NOD2: variants seen among roughly 807,000 people sequenced by gnomAD.
NOD2 encodes nucleotide-binding oligomerization domain-containing protein 2.
In NOD2, 86 loss-of-function variants were observed where a neutral mutation model predicts 90.9. The ratio of observed to expected loss-of-function variants is 0.95; its 90% confidence interval spans 0.79 to 1.13. NOD2 has a LOEUF of 1.13. Ranked by LOEUF, NOD2 falls within the 50% of genes most tolerant of loss-of-function variation. The pLI is 0.00. For missense variants in NOD2, 1,238 were observed against 1,283.8 expected, an observed-to-expected ratio of 0.96 and a Z score of 0.55; for synonymous variants, 581 against 554.6, an observed-to-expected ratio of 1.05 and a Z score of -0.67.
Position 50,697,266 on chromosome 16 carries a change from C to A in NOD2, c.-8-2222C>A. 1 of 1,559,574 alleles carries A rather than the reference C, an allele frequency of 6.4e-7. No homozygotes were observed. On this transcript the variant is annotated intron_variant, in intron 1 of 11. Coordinates refer to ENST00000647318, the MANE Select transcript of NOD2 (RefSeq NM_001370466.1). ...TTGATGGGGGAAGAGGGTGGTTCAG[C>A]CTCTCACGATGAGGAGGAAAGAGCA...
rs1965151537 is a variant in NOD2 at position 50,723,329 on chromosome 16, G to C, written c.2746G>C (p.Gly916Arg). Residue 916 changes from glycine to arginine, a missense_variant, in exon 9 of 12, where the codon GGT becomes CGT. Around this residue, in one of 3 missense-constraint regions of NOD2, gnomAD observed 667 missense variants for 688.7 expected, o/e 0.97. Transcript: ENST00000647318. The part of the protein sequence containing the change: ...SLVGNNIGSV[G>R]AQALALMLAK... ...GGTGGGGAACAACATTGGCAGTGTG[G>C]GTGCCCAAGCCTTGGCACTGATGCT... 6.2e-7 allele frequency: 1 copy of C among 1,613,746 alleles called. No homozygotes were observed. Among genetic ancestry groups the C allele is most frequent in the African/African-American group, 1.3e-5 (1 of 74,850 alleles).
chr16:50,698,596 C>T (rs113924970), intron 1 of NOD2, among the ~76,000 whole-genome samples: 3,181 of 152,290 alleles, frequency 0.021, 86 homozygotes, highest in South Asian at 0.12. Flanking sequence ...GACATGCATT[C>T]CGGAGTCATA....
intron 10 of NOD2, chr16:50,727,790 A>C: frequency 2.9e-6 from 1 of 345,616 alleles, no homozygotes; most frequent in South Asian, 2.4e-5. Flanking sequence ...TTTTCAGTGC[A>C]TCTCATTGAC....
At chr16:50,717,630 C>A (rs1171956656) in intron 6 of NOD2, among the ~76,000 whole-genome samples, 1 of 152,176 alleles carries the variant, frequency 6.6e-6, no homozygotes, top group African/African-American at 2.4e-5. Flanking sequence ...ACCTCTTGGG[C>A]TGGGTTTGTG....
chr16:50,697,195 A>G, intron 1 of NOD2: 2 of 1,495,094 alleles, frequency 1.3e-6, no homozygotes, highest in Non-Finnish European at 1.8e-6. Flanking sequence ...GTTCTGCACA[A>G]GGCCTACCCG....
At chr16:50,696,535 G>A (rs4785224) in intron 1 of NOD2, 55,838 of 152,362 alleles carry the variant, frequency 0.37, 10,668 homozygotes, top group Non-Finnish European at 0.4. Context: ...AACAGATAAT[G>A]AGTGAATATT....
chr16:50,723,256 GTCTTTCCC>G, intron 8 of NOD2, 37 bp from the exon 9 acceptor site: 1 of 1,574,856 alleles, frequency 6.3e-7, no homozygotes, highest in Non-Finnish European at 8.7e-7. Context: ...CATCTCTGAG[GTCTTTCCC>G]TGCTCTGACA....
intron 3 of NOD2, chr16:50,710,014 C>T (rs1359489711): frequency 2.2e-6 from 1 of 455,920 alleles, no homozygotes; most frequent in Non-Finnish European, 4.4e-6. Context: ...TTTTCAAACT[C>T]AGGTGTGTCT....
chr16:50,703,828 A>T (rs1292946336), intron 2 of NOD2, among the ~76,000 whole-genome samples: 3 of 152,190 alleles, frequency 2.0e-5, no homozygotes, highest in African/African-American at 7.2e-5. Flanking sequence ...CTGGGAAGTC[A>T]GTCGGCAATG....
At position 50,699,545 on chromosome 16, in the gene NOD2, T is replaced by C. The variant is rs757914381; in HGVS notation, c.50T>C (p.Leu17Pro). ...FQAQRSQLVE[L>P]LVSGSLEGFE... ...GCACAGAGGAGCCAGCTGGTCGAGC[T>C]GCTGGTCTCAGGGTCCCTGGAAGGC... Residue 17 changes from leucine to proline, a missense_variant, in exon 2 of 12, where the codon CTG (leucine) becomes CCG (proline). Leu to Pro is a moderately conservative substitution (Grantham distance 98, BLOSUM62 -3). Coordinates refer to ENST00000647318, the MANE Select transcript of NOD2 (RefSeq NM_001370466.1). The C allele has an allele frequency of 6.2e-7, 1 of 1,614,030 alleles. No individual in the cohort carries two copies. Among genetic ancestry groups the C allele is most frequent in the South Asian group, 1.1e-5 (1 of 91,074 alleles).
At chr16:50,727,770 G>T in intron 10 of NOD2, 1 of 340,754 alleles carries the variant, frequency 2.9e-6, no homozygotes, top group Non-Finnish European at 5.8e-6. Flanking sequence ...GCCGGCTGCA[G>T]GTGTTGCAGT....
chr16:50,716,454 C>T (rs1717818649), intron 4 of NOD2, 133 bp from the exon 5 acceptor site: 1 of 871,016 alleles, frequency 1.1e-6, no homozygotes. Flanking sequence ...TGGGGTGCTC[C>T]ATCTATGCAG....
At chr16:50,708,623 T>C (rs1419818022) in intron 3 of NOD2, among the ~76,000 whole-genome samples, 2 of 152,216 alleles carry the variant, frequency 1.3e-5, no homozygotes, top group Non-Finnish European at 2.9e-5. Context: ...CTTTCTCTTT[T>C]CTTGGGAGAA....
chr16:50,719,084 A>T (rs1964926832), intron 6 of NOD2, among the ~76,000 whole-genome samples: 1 of 152,118 alleles, frequency 6.6e-6, no homozygotes, highest in East Asian at 1.9e-4. Context: ...GGGGAGCCTG[A>T]TGTCTCAGGC....
chr16:50,711,336 G>C lies in NOD2; in HGVS notation c.1344G>C (p.Glu448Asp), dbSNP rs1964484718. 2 of 1,613,674 alleles carry C rather than the reference G, an allele frequency of 1.2e-6. No homozygotes were observed. Among genetic ancestry groups the C allele is most frequent in the Non-Finnish European group, 8.5e-7 (1 of 1,180,036 alleles). Residue 448 changes from glutamate (E) to aspartate (D), a missense_variant, in exon 4 of 12, where the codon GAG becomes GAC. Transcript: ENST00000647318. The part of the protein sequence containing the change: ...VADRLIRLLQ[E>D]TSALHGLCHL... The stretch of plus-strand genomic sequence containing the variant: ...ACCGCCTCATCCGCCTGCTCCAAGA[G>C]ACCTCAGCCCTGCACGGTTTGTGCC...
intron 1 of NOD2, among the ~76,000 whole-genome samples, chr16:50,695,527 G>A (rs1963607585): frequency 1.3e-5 from 2 of 152,056 alleles, no homozygotes; most frequent in African/African-American, 2.4e-5. Context: ...GGTTGGAGTT[G>A]AAAATAAAAC....
At chr16:50,700,074 A>C in intron 2 of NOD2, 120 bp downstream of exon 2, 1 of 892,878 alleles carries the variant, frequency 1.1e-6, no homozygotes, top group Non-Finnish European at 1.8e-6. Context: ...TTTCCCCTAA[A>C]AAGGTAGCCA....
At chr16:50,704,392 A>G (rs567543453) in intron 2 of NOD2, among the ~76,000 whole-genome samples, 1 of 152,286 alleles carries the variant, frequency 6.6e-6, no homozygotes, top group South Asian at 2.1e-4. Context: ...GAGGTCTCAC[A>G]TGTCTTAAAG....
Position 50,699,864 on chromosome 16 carries a change from G to A in NOD2, c.369G>A (p.Glu123=). 1 of 1,613,462 alleles carries A rather than the reference G, an allele frequency of 6.2e-7. No homozygotes were observed. Among genetic ancestry groups the A allele is most frequent in the Non-Finnish European group, 8.5e-7 (1 of 1,180,028 alleles). The change falls in exon 2 of 12, where the codon GAG becomes GAA. Residue 123 remains glutamate, a synonymous_variant. Transcript: ENST00000647318. Reference sequence around the variant, plus strand: ...TCAGGAGGCTCCACAGCCATGTGGAGAACATGCTGGACCTGGCATGGGAGC... The same window carrying A: ...TCAGGAGGCTCCACAGCCATGTGGAAAACATGCTGGACCTGGCATGGGAGC... ...AIVRRLHSHV[E]NMLDLAWERG...
Sources: allele counts gnomAD v4.1 joint callset (sites outside exome capture counted in the v4.1 genomes callset), GRCh38; gene constraint gnomAD v4.1.1; regional missense constraint gnomAD v4.1.1; transcripts MANE v1.5; gene names NCBI Gene and HGNC (gene_info 2026-07-23, HGNC 2026-07-21).